The following PCDHGA4 variants were observed in gnomAD, a reference collection of about 807,000 sequenced individuals.
PCDHGA4 encodes protocadherin gamma-A4.
A neutral mutation model predicts 54.6 loss-of-function variants in PCDHGA4; 38 were observed. The ratio of observed to expected loss-of-function variants is 0.70; its 90% CI spans 0.54 to 0.91. The LOEUF is 0.91. PCDHGA4 is among the 40% of genes least tolerant of loss of function. PCDHGA4 has a pLI of 0.00. For synonymous variants in PCDHGA4, 511 were observed against 512.9 expected (o/e 1.00, Z 0.05); for missense variants, 1,298 against 1,220.9 (o/e 1.06, Z -0.94).
intron 1 of PCDHGA4, chr5:141,366,543 C>T (rs1287231126): frequency 6.8e-6 from 11 of 1,614,124 alleles, no homozygotes; most frequent in Non-Finnish European, 8.5e-6. Context: ...GTGCCCGCCT[C>T]GCACTTTGTG....
chr5:141,358,582 C>G (rs554768302), intron 1 of PCDHGA4, among the ~76,000 whole-genome samples: 44 of 152,264 alleles, frequency 2.9e-4, no homozygotes, highest in Non-Finnish European at 5.4e-4. Flanking sequence ...TGTGTGATTC[C>G]TCTGGTGCAC....
intron 1 of PCDHGA4, chr5:141,392,939 C>T (rs1425022179): frequency 1.2e-6 from 2 of 1,613,830 alleles, no homozygotes; most frequent in Non-Finnish European, 1.7e-6. Context: ...CGGACAAAGG[C>T]TCCTTCGTGG....
chr5:141,462,462 T>G (rs570804965), intron 1 of PCDHGA4, among the ~76,000 whole-genome samples: 1 of 152,346 alleles, frequency 6.6e-6, no homozygotes, highest in Middle Eastern at 3.4e-3. Flanking sequence ...CTGAAAACTG[T>G]GTATTCTGCT....
At chr5:141,410,697 T>G in intron 1 of PCDHGA4, 1 of 1,489,152 alleles carries the variant, frequency 6.7e-7, no homozygotes, top group Non-Finnish European at 9.0e-7. Context: ...TACTTTATTT[T>G]CATATCTAGA....
At chr5:141,472,323 C>T (rs980684595) in intron 1 of PCDHGA4, among the ~76,000 whole-genome samples, 4 of 151,498 alleles carry the variant, frequency 2.6e-5, no homozygotes, top group East Asian at 2.0e-4. Flanking sequence ...AGGCAGATCA[C>T]GAGGTTGGGA....
At chr5:141,366,023 C>T (rs762756042) in intron 1 of PCDHGA4, 4 of 1,614,122 alleles carry the variant, frequency 2.5e-6, no homozygotes, top group Non-Finnish European at 1.7e-6. Flanking sequence ...GATCCTGTAC[C>T]CCGCCCTCCC....
chr5:141,418,908 C>G, intron 1 of PCDHGA4: 3 of 1,613,932 alleles, frequency 1.9e-6, no homozygotes, highest in Non-Finnish European at 2.5e-6. Flanking sequence ...ATAATCATCA[C>G]GTCACTCTCT....
chr5:141,357,523 T>C lies in PCDHGA4; in HGVS notation c.2416T>C (p.Tyr806His). ...TCACCTGATCTTCTCCCAACCCAGCTATGCAGACACGCTCATCAGCCGGGA... is the reference window on the plus strand; with the variant it reads ...TCACCTGATCTTCTCCCAACCCAGCCATGCAGACACGCTCATCAGCCGGGA... ...KSHLIFSQPS[Y>H]ADTLISRESC... Residue 806 changes from tyrosine (Y) to histidine (H), a missense_variant, in exon 1 of 4, where the codon TAT (tyrosine) becomes CAT (histidine). Physicochemically the swap from Tyr to His is moderately conservative, Grantham distance 83. Coordinates refer to ENST00000571252, the MANE Select transcript of PCDHGA4 (RefSeq NM_018917.4). The C allele has an allele frequency of 6.2e-7, 1 of 1,614,170 alleles. No individual in the cohort carries two copies. The highest frequency in any genetic ancestry group is 8.5e-7 in the Non-Finnish European group (1 of 1,180,032).
At position 141,357,277 on chromosome 5, in the gene PCDHGA4, C is replaced by T; in HGVS notation, c.2170C>T (p.Leu724Phe). ...AGACGACTCGGGCCTCACACTCTAT[C>T]TCGTGGTGGCAGTGGCCGCTGTCTC... ...DPDDSGLTLY[L>F]VVAVAAVSCV... is the part of the protein sequence containing the mutation. Residue 724 changes from leucine to phenylalanine, a missense_variant, in exon 1 of 4, where the codon CTC becomes TTC. Physicochemically the swap from Leu to Phe is conservative, Grantham distance 22. Transcript: ENST00000571252. The T allele has an allele frequency of 6.2e-7, 1 of 1,613,924 alleles. No homozygotes were observed. The highest frequency in any genetic ancestry group is 8.5e-7 in the Non-Finnish European group (1 of 1,179,832).
chr5:141,392,242 G>A (rs1294476832), intron 1 of PCDHGA4: 1 of 152,134 alleles, frequency 6.6e-6, no homozygotes, highest in African/African-American at 2.4e-5. Context: ...TTAGTTATTT[G>A]TTAGTATATA....
intron 1 of PCDHGA4, chr5:141,410,052 T>C: frequency 6.2e-7 from 1 of 1,613,122 alleles, no homozygotes; most frequent in Non-Finnish European, 8.5e-7. Context: ...CCCGGACTCT[T>C]CAGCCTGGGG....
chr5:141,401,458 A>T (rs1470076616), intron 1 of PCDHGA4, among the ~76,000 whole-genome samples: 1 of 152,186 alleles, frequency 6.6e-6, no homozygotes, highest in Non-Finnish European at 1.5e-5. Context: ...CATCCAAATA[A>T]TTTTCTAAGT....
intron 1 of PCDHGA4, chr5:141,427,650 G>A (rs1352503291): frequency 1.4e-6 from 1 of 718,312 alleles, no homozygotes; most frequent in Admixed American, 2.0e-5. Flanking sequence ...AGTCTCCTAC[G>A]TGGTCCACGT....
intron 1 of PCDHGA4, chr5:141,423,311 T>G: frequency 2.5e-6 from 4 of 1,614,134 alleles, no homozygotes; most frequent in Non-Finnish European, 3.4e-6. Flanking sequence ...CTGTACTTGG[T>G]GGTGGCGGTG....
intron 1 of PCDHGA4, among the ~76,000 whole-genome samples, chr5:141,460,536 G>A (rs911670681): frequency 2.0e-5 from 3 of 152,092 alleles, no homozygotes; most frequent in African/African-American, 7.2e-5. Flanking sequence ...AATAATCTTA[G>A]CACCTTAATC....
At chr5:141,390,307 A>G (rs2092112369) in intron 1 of PCDHGA4, 1 of 1,613,424 alleles carries the variant, frequency 6.2e-7, no homozygotes, top group Admixed American at 1.7e-5. Flanking sequence ...GTATAATTTA[A>G]TGCTCATTGC....
chr5:141,386,123 T>C (rs1477033454), intron 1 of PCDHGA4: 1 of 152,112 alleles, frequency 6.6e-6, no homozygotes, highest in African/African-American at 2.4e-5. Flanking sequence ...AAGTGGGAGA[T>C]TGGGGATACT....
chr5:141,389,081 G>C (rs371979686), intron 1 of PCDHGA4: 2 of 1,613,978 alleles, frequency 1.2e-6, no homozygotes, highest in Admixed American at 1.7e-5. Flanking sequence ...CAAGAAACAC[G>C]TATAAATTAG....
At chr5:141,360,315 C>T (rs747029158) in intron 1 of PCDHGA4, 2 of 1,613,966 alleles carry the variant, frequency 1.2e-6, no homozygotes, top group Admixed American at 1.7e-5. Flanking sequence ...GCGTCCGGGA[C>T]TTGCCAGCCC....
Sources: gnomAD v4.1 joint callset for allele counts (sites outside exome capture counted in the v4.1 genomes callset) on GRCh38, gnomAD v4.1.1 for gene constraint, MANE v1.5 for transcripts, NCBI Gene and HGNC (gene_info 2026-07-23, HGNC 2026-07-21) for gene names.